The following ORC1 variants were observed in gnomAD, a reference collection of about 807,000 sequenced individuals.
ORC1 encodes origin recognition complex subunit 1.
A neutral mutation model predicts 98.9 loss-of-function variants in ORC1; 61 were observed. The ratio of observed to expected loss-of-function variants is 0.62; its 90% confidence interval spans 0.50 to 0.76. ORC1 has a LOEUF of 0.76. Ranked by LOEUF, ORC1 falls within the 30% of genes least tolerant of loss-of-function variation. The pLI is 0.00. For synonymous variants in ORC1, 385 were observed against 406.9 expected, an observed-to-expected ratio of 0.95 and a Z score of 0.65; for missense variants, 979 against 1,072.2, an observed-to-expected ratio of 0.91 and a Z score of 1.21.
chr1:52,385,825 C>T, intron 9 of ORC1, 27 bp downstream of exon 9: 1 of 1,532,472 alleles, frequency 6.5e-7, no homozygotes, highest in Non-Finnish European at 9.0e-7. Context: ...TCCTGCCTCT[C>T]TGAAGGGGAA....
chr1:52,398,657 C>T (rs914472692), intron 3 of ORC1, among the ~76,000 whole-genome samples: 8 of 152,128 alleles, frequency 5.3e-5, no homozygotes, highest in Non-Finnish European at 1.0e-4. Flanking sequence ...TCTTGGCTCA[C>T]TGCAAGCTCC....
At chr1:52,405,495 G>A (rs1647955484), upstream of ORC1, among the ~76,000 whole-genome samples, 1 of 152,122 alleles carries the variant, frequency 6.6e-6, no homozygotes. Flanking sequence ...AGCTTAGCAG[G>A]GTACCTATTT....
intron 6 of ORC1, among the ~76,000 whole-genome samples, chr1:52,391,214 CAGA>C (rs1340219867): frequency 6.7e-6 from 1 of 148,306 alleles, no homozygotes; most frequent in East Asian, 2.0e-4. Flanking sequence ...GAGGCTGAGG[CAGA>C]AGAATTGCTT....
chr1:52,384,163 C>G (rs1647110461), intron 11 of ORC1, among the ~76,000 whole-genome samples: 1 of 152,162 alleles, frequency 6.6e-6, no homozygotes, highest in Non-Finnish European at 1.5e-5. Flanking sequence ...ACAGGCTGGG[C>G]CAGAAGCCCC....
chr1:52,400,973 A>C (rs1263928607), intron 3 of ORC1, among the ~76,000 whole-genome samples: 1 of 152,290 alleles, frequency 6.6e-6, no homozygotes, highest in East Asian at 1.9e-4. Flanking sequence ...ACTTGTAACG[A>C]AGTAGCACTT....
intron 5 of ORC1, 136 bp downstream of exon 5, chr1:52,395,910 G>A: frequency 2.1e-6 from 3 of 1,443,020 alleles, no homozygotes; most frequent in Non-Finnish European, 1.9e-6. Flanking sequence ...CAGAAGGATT[G>A]CTTGAGCATG....
chr1:52,383,318 G>T, intron 13 of ORC1, 102 bp downstream of exon 13: 1 of 1,403,958 alleles, frequency 7.1e-7, no homozygotes, highest in Non-Finnish European at 1.0e-6. Flanking sequence ...CAAAGTGCGG[G>T]GTTTACAGGC....
chr1:52,390,096 G>A (rs1339891509), intron 6 of ORC1, among the ~76,000 whole-genome samples: 2 of 152,146 alleles, frequency 1.3e-5, no homozygotes, highest in African/African-American at 4.8e-5. Flanking sequence ...TCAATATTGT[G>A]TAAATGACCA....
chr1:52,385,798 AGCAGAG>A, intron 9 of ORC1, 48 bp downstream of exon 9: 1 of 1,183,658 alleles, frequency 8.4e-7, no homozygotes, highest in Non-Finnish European at 1.3e-6. Context: ...TGTGAATGAA[AGCAGAG>A]GCCCCATGGT....
intron 4 of ORC1, 33 bp from the exon 5 acceptor site, chr1:52,396,397 G>C (rs1167382835): frequency 1.2e-6 from 2 of 1,613,696 alleles, no homozygotes; most frequent in Admixed American, 1.7e-5. Context: ...AGTAGGAAGA[G>C]ATGAGCCCCA....
chr1:52,390,673 C>T (rs1647196676), intron 6 of ORC1, among the ~76,000 whole-genome samples: 1 of 151,904 alleles, frequency 6.6e-6, no homozygotes, highest in African/African-American at 2.4e-5. Context: ...GGTGGATCAC[C>T]TGAGGTCAGG....
chr1:52,403,428 TA>T (rs1434219674), intron 1 of ORC1, among the ~76,000 whole-genome samples: 1 of 152,210 alleles, frequency 6.6e-6, no homozygotes, highest in Non-Finnish European at 1.5e-5. Flanking sequence ...ACAAACCTCC[TA>T]AAGTCCACAT....
intron 4 of ORC1, among the ~76,000 whole-genome samples, chr1:52,397,055 T>C (rs1338999703): frequency 6.6e-6 from 1 of 152,166 alleles, no homozygotes; most frequent in Non-Finnish European, 1.5e-5. Flanking sequence ...CTCACACTCC[T>C]TTAGCTTTCT....
intron 14 of ORC1, among the ~76,000 whole-genome samples, chr1:52,380,995 G>A (rs1647062426): frequency 6.6e-6 from 1 of 152,128 alleles, no homozygotes; most frequent in Non-Finnish European, 1.5e-5. Flanking sequence ...CTAGAAATAA[G>A]TTTATAATTA....
At position 52,393,579 on chromosome 1, in the gene ORC1, T is replaced by C. The variant is rs1056071538; in HGVS notation, c.946A>G (p.Ile316Val). The change falls in exon 6 of 17, where the codon ATA (isoleucine) becomes GTA (valine). Residue 316 changes from isoleucine to valine, a missense_variant. Coordinates refer to ENST00000371568, the MANE Select transcript of ORC1 (RefSeq NM_004153.4). ...GCTGCAATTCGGGTTCTCAGGATTA[T>C]GCGATGTTCAGGTGAAGCCTTCTTG... Reference protein sequence around the residue: ...DDKKASPEHRIILRTRIAASK... With the variant: ...DDKKASPEHRVILRTRIAASK... 1.2e-6 allele frequency: 2 copies of C among 1,614,098 alleles called. No homozygotes were observed. Among genetic ancestry groups the C allele is most frequent in the Admixed American group, 3.3e-5 (2 of 60,006 alleles).
At chr1:52,375,079 T>C (rs1181947414) in intron 15 of ORC1, among the ~76,000 whole-genome samples, 182 bp from the exon 16 acceptor site, 1 of 152,124 alleles carries the variant, frequency 6.6e-6, no homozygotes, top group Non-Finnish European at 1.5e-5. Context: ...AAAATGTCAC[T>C]GTGGAAGTGA....
At chr1:52,384,041 G>A (rs1054683352) in intron 11 of ORC1, 104 bp from the exon 12 acceptor site, 6 of 881,008 alleles carry the variant, frequency 6.8e-6, no homozygotes, top group African/African-American at 6.5e-5. Flanking sequence ...TGAGGACTTC[G>A]GTATCCTATA....
chr1:52,386,324 A>G (rs2147927324), intron 8 of ORC1, among the ~76,000 whole-genome samples: 2 of 152,360 alleles, frequency 1.3e-5, no homozygotes, highest in South Asian at 4.1e-4. Flanking sequence ...GGCATAAACT[A>G]GGTTTGATTC....
At chr1:52,404,912 C>T (rs753278776), upstream of ORC1, 2 of 1,609,058 alleles carry the variant, frequency 1.2e-6, no homozygotes, top group Non-Finnish European at 1.7e-6. Context: ...CCTCTCAGCC[C>T]CCTTGTGGCC....
Sources: allele counts gnomAD v4.1 joint callset (sites outside exome capture counted in the v4.1 genomes callset), GRCh38; gene constraint gnomAD v4.1.1; transcripts MANE v1.5; gene names NCBI Gene and HGNC (gene_info 2026-07-23, HGNC 2026-07-21).